The following CLIP4 variants were observed in gnomAD, a reference collection of about 807,000 sequenced individuals.
The protein encoded by CLIP4 is CAP-Gly domain containing linker protein family member 4, also known as CAP-Gly domain-containing linker protein 4.
CLIP4 carries 47 observed loss-of-function variants against 73.1 expected under a neutral mutation model. The ratio of observed to expected loss-of-function variants is 0.64; its 90% CI spans 0.51 to 0.82. The LOEUF (loss-of-function observed/expected upper bound fraction) is 0.82, where lower values mean the gene tolerates loss of function less well. Among genes scored for constraint, CLIP4 ranks in the 40% least tolerant of loss-of-function variants. The probability of loss-of-function intolerance (pLI) is 0.00; values close to 1 mark genes in which losing one functional copy is unlikely to be tolerated. For missense variants in CLIP4, 874 were observed against 852.9 expected, an observed-to-expected ratio of 1.02 and a Z score of -0.31; for synonymous variants, 306 against 295.4, an observed-to-expected ratio of 1.04 and a Z score of -0.37.
chr2:29,143,230 C>G lies in CLIP4; in HGVS notation c.649-479C>G, dbSNP rs148910723. ...TCCGTTTAGGACCTGAGCACCGCTC[C>G]CCACATGGACGCCTTGCTTTTCCCT... On this transcript the variant is annotated intron_variant, in intron 6 of 15. Coordinates refer to ENST00000320081, the MANE Select transcript of CLIP4 (RefSeq NM_024692.6). Among the ~76,000 whole-genome samples the G allele has an allele frequency of 1.6e-3, 251 of 152,270 alleles. 1 individual carries two copies. The East Asian group carries it at 0.041, about 25-fold the overall frequency.
In CLIP4 at chr2:29,152,745, ACACT is replaced by A. The variant is rs758474262; in HGVS notation, c.1084_1087del (p.Thr362LeufsTer17). On this transcript the variant is annotated frameshift_variant, in exon 9 of 16. Transcript: ENST00000320081. LOFTEE classifies it high-confidence loss of function. Reference sequence around the variant, plus strand: ...AAAGGTCGAAGGAAGAATATAACACACACTCCTTCTACAAAAGCTGCTGTACCTC... The same window carrying A: ...AAAGGTCGAAGGAAGAATATAACACACCTTCTACAAAAGCTGCTGTACCTC... 1.2e-6 allele frequency: 2 copies of A among 1,613,792 alleles called. No individual in the cohort carries two copies. The highest frequency in any genetic ancestry group is 1.7e-6 in the Non-Finnish European group (2 of 1,179,800).
intron 2 of CLIP4, among the ~76,000 whole-genome samples, chr2:29,125,532 C>G (rs879418812): frequency 2.0e-5 from 3 of 152,122 alleles, no homozygotes; most frequent in Non-Finnish European, 4.4e-5. Context: ...TTAGCTCTGT[C>G]TCTTCAACTC....
intron 1 of CLIP4, among the ~76,000 whole-genome samples, chr2:29,099,890 A>G (rs957908854): frequency 9.2e-5 from 14 of 152,044 alleles, no homozygotes; most frequent in African/African-American, 3.1e-4. Context: ...CCTTATATAC[A>G]TTTTGTACAT....
chr2:29,152,861 C>T (rs753413378), intron 9 of CLIP4, 33 bp downstream of exon 9: 38 of 1,601,128 alleles, frequency 2.4e-5, no homozygotes, highest in Non-Finnish European at 3.1e-5. Context: ...CCATCTGCTT[C>T]AGTGTTTTAA....
In CLIP4 at chr2:29,135,517, T is replaced by C. The variant is rs765008156; in HGVS notation, c.530-31T>C. ...ATTATGATAGCTAAGTTTAAACTTTTAGTTAATATACTTATGATGTTTAAT... is the reference window on the plus strand; with the variant it reads ...ATTATGATAGCTAAGTTTAAACTTTCAGTTAATATACTTATGATGTTTAAT... On this transcript the variant is annotated intron_variant, in intron 5 of 15. Transcript: ENST00000320081. 4 of 1,480,678 alleles carry C rather than the reference T, an allele frequency of 2.7e-6. No homozygotes were observed. The Admixed American group carries it at 5.7e-5, about 21-fold the overall frequency. The allele number at this position is 1,480,678 out of a possible 1,614,324, so 91.7% of individuals were successfully genotyped here.
intron 6 of CLIP4, among the ~76,000 whole-genome samples, chr2:29,143,412 T>TC (rs1553370903): frequency 1.9e-4 from 28 of 145,678 alleles, no homozygotes; most frequent in Non-Finnish European, 2.7e-4. Flanking sequence ...TTTTTTTTTT[T>TC]CCCTCCAGGC....
At chr2:29,107,882 C>T (rs574800460) in intron 1 of CLIP4, among the ~76,000 whole-genome samples, 2 of 152,244 alleles carry the variant, frequency 1.3e-5, no homozygotes, top group Admixed American at 1.3e-4. Context: ...AACCCTGGCC[C>T]ATTTAATCAA....
intron 8 of CLIP4, among the ~76,000 whole-genome samples, chr2:29,149,219 T>G (rs1666377066): frequency 6.6e-6 from 1 of 152,198 alleles, no homozygotes; most frequent in Admixed American, 6.5e-5. Context: ...AGGATATGGC[T>G]GTTGGGCCAT....
In CLIP4 at chr2:29,107,950, A is replaced by T. The variant is rs1470790675; in HGVS notation, c.-16+10003A>T. ...ATACTATTCTAGGTACTTAGGATAT[A>T]GCAGTGTTAGAAATAGACTACAATT... On this transcript the variant is annotated intron_variant, in intron 1 of 14. Coordinates refer to the CLIP4 transcript ENST00000401605. Among the ~76,000 whole-genome samples the T allele has an allele frequency of 2.0e-5, 3 of 152,246 alleles. No individual in the cohort carries two copies. In the East Asian group the frequency reaches 5.8e-4, roughly 29 times the overall value.
In CLIP4 at chr2:29,157,234, C is replaced by G. The variant is rs1456995742; in HGVS notation, c.1286C>G (p.Ser429Cys). 6.2e-7 allele frequency: 1 copy of G among 1,613,908 alleles called. No homozygotes were observed. The highest frequency in any genetic ancestry group is 1.3e-5 in the African/African-American group (1 of 74,900). Residue 429 changes from serine (S) to cysteine (C), a missense_variant, in exon 11 of 16, where the codon TCC becomes TGC. By Grantham distance (112) the Ser-to-Cys change is moderately radical. Coordinates refer to ENST00000320081, the MANE Select transcript of CLIP4 (RefSeq NM_024692.6). ...CTGCTTGGATCTGTCAGCAGCTGCT[C>G]CTCTACATCTTCTTTGGAACACAGA... The part of the protein sequence containing the change: ...VALLGSVSSC[S>C]STSSLEHRQS...
intron 3 of CLIP4, 105 bp downstream of exon 3, chr2:29,131,502 A>C: frequency 3.3e-6 from 4 of 1,195,494 alleles, no homozygotes; most frequent in Non-Finnish European, 4.6e-6. Flanking sequence ...AAACCCTTTA[A>C]AAGTTCTGAT....
At chr2:29,138,601 A>G (rs939495907) in intron 6 of CLIP4, among the ~76,000 whole-genome samples, 5 of 152,020 alleles carry the variant, frequency 3.3e-5, no homozygotes, top group Admixed American at 6.6e-5. Flanking sequence ...GCTTTGGGCA[A>G]TGTGGACATT....
At chr2:29,138,561 T>C (rs1426657629) in intron 6 of CLIP4, among the ~76,000 whole-genome samples, 1 of 152,122 alleles carries the variant, frequency 6.6e-6, no homozygotes, top group Non-Finnish European at 1.5e-5. Flanking sequence ...TGTTGGAAAT[T>C]TGATAGGAAG....
intron 6 of CLIP4, among the ~76,000 whole-genome samples, chr2:29,140,677 C>G (rs569972791): frequency 2.6e-5 from 4 of 152,236 alleles, no homozygotes; most frequent in Non-Finnish European, 5.9e-5. Flanking sequence ...AATGGTTGAA[C>G]TAGTTTACAG....
At position 29,167,480 on chromosome 2, in the gene CLIP4, A is replaced by G. The variant is rs762735059; in HGVS notation, c.1663A>G (p.Thr555Ala). 1.2e-5 allele frequency: 19 copies of G among 1,606,380 alleles called. No homozygotes were observed. Among genetic ancestry groups the G allele is most frequent in the Admixed American group, 1.0e-4 (6 of 58,964 alleles). ...FAPPSRVQRV[T>A]DSLDTLSEIS... is the part of the protein sequence containing the mutation. The stretch of plus-strand genomic sequence containing the variant: ...TGTCCTTTGTTTTATTCATAGAGTA[A>G]CAGATTCCCTGGATACCCTTTCAGA... The change falls in exon 14 of 16, where the codon ACA becomes GCA. Residue 555 changes from threonine to alanine, a missense_variant. Transcript: ENST00000320081.
upstream of CLIP4, among the ~76,000 whole-genome samples, chr2:29,114,694 G>A (rs1668478567): frequency 1.3e-5 from 2 of 152,208 alleles, no homozygotes; most frequent in South Asian, 4.1e-4. Context: ...GACACTGACA[G>A]ACGTTCATTC....
Position 29,167,496 on chromosome 2 carries a change from C to G in CLIP4, c.1679C>G (p.Thr560Ser). The G allele has an allele frequency of 6.2e-7, 1 of 1,608,508 alleles. No individual in the cohort carries two copies. Among genetic ancestry groups the G allele is most frequent in the South Asian group, 1.1e-5 (1 of 89,930 alleles). ...CATAGAGTAACAGATTCCCTGGATA[C>G]CCTTTCAGAAATTTCTTCAAATAAA... is the stretch of plus-strand genomic sequence containing the variant. ...RVQRVTDSLD[T>S]LSEISSNKQN... Residue 560 changes from threonine to serine, a missense_variant, in exon 14 of 16, where the codon ACC becomes AGC. Coordinates refer to ENST00000320081, the MANE Select transcript of CLIP4 (RefSeq NM_024692.6).
intron 10 of CLIP4, among the ~76,000 whole-genome samples, chr2:29,156,781 A>G (rs1051280483): frequency 1.3e-5 from 2 of 152,172 alleles, no homozygotes; most frequent in African/African-American, 2.4e-5. Flanking sequence ...GAGCATGAGT[A>G]TTCCTTCTTG....
At chr2:29,179,835 A>G (rs1668546723) in intron 15 of CLIP4, among the ~76,000 whole-genome samples, 1 of 152,150 alleles carries the variant, frequency 6.6e-6, no homozygotes, top group Non-Finnish European at 1.5e-5. Flanking sequence ...TCTTTATTAA[A>G]TTTATTATTG....
Sources: gnomAD v4.1 joint callset for allele counts (sites outside exome capture counted in the v4.1 genomes callset) on GRCh38, gnomAD v4.1.1 for gene constraint, MANE v1.5 for transcripts, NCBI Gene and HGNC (gene_info 2026-07-23, HGNC 2026-07-21) for gene names.